Variants in MUSTN1 observed in about 807,000 individuals in gnomAD.
The protein encoded by MUSTN1 is musculoskeletal, embryonic nuclear protein 1.
Under a neutral mutation model 11.8 loss-of-function variants are expected in MUSTN1, and 14 were observed. That is an observed-to-expected ratio of 1.18 (90% CI 0.78 to 1.85). The LOEUF (loss-of-function observed/expected upper bound fraction) is 1.85, where lower values mean the gene tolerates loss of function less well. Among genes scored for constraint, MUSTN1 ranks in the 40% most tolerant of loss-of-function variants. The pLI, the probability that MUSTN1 is intolerant of heterozygous loss-of-function variation, is 0.00. For synonymous variants in MUSTN1, 42 were observed against 43.3 expected (o/e 0.97, Z 0.12); for missense variants, 111 against 108.8 (o/e 1.02, Z -0.09).
rs1269657364 is a variant in MUSTN1 at position 52,833,266 on chromosome 3, C to G, written c.*58G>C. On this transcript the variant is annotated 3_prime_UTR_variant, in exon 3 of 3. Transcript: ENST00000446157. ...AAGCGTTCTGGCATAAAAAAGAGTT[C>G]CTGGGAAAGGCTCCTGTTTCCGAGC... The G allele has an allele frequency of 1.9e-6, 3 of 1,607,178 alleles. No homozygotes were observed. The highest frequency in any genetic ancestry group is 2.5e-6 in the Non-Finnish European group (3 of 1,176,710).
chr3:52,833,909 C>T (rs567944063), intron 1 of MUSTN1, among the ~76,000 whole-genome samples, 160 bp from the exon 2 acceptor site: 6 of 152,200 alleles, frequency 3.9e-5, no homozygotes, highest in Non-Finnish European at 8.8e-5. Context: ...CTATACTCCA[C>T]CTGCTGCAGG....
chr3:52,833,899 C>G, intron 1 of MUSTN1, 150 bp from the exon 2 acceptor site: 1 of 1,340,934 alleles, frequency 7.5e-7, no homozygotes, highest in South Asian at 1.6e-5. Flanking sequence ...GCCTTCCCAA[C>G]TATACTCCAC....
At position 52,833,728 on chromosome 3, in the gene MUSTN1, T is replaced by C. The variant is rs147250569; in HGVS notation, c.31A>G (p.Ile11Val). 197 of 1,585,138 alleles carry C rather than the reference T, an allele frequency of 1.2e-4. No homozygotes were observed. The African/African-American group carries it at 1.7e-3, about 14-fold the overall frequency. Residue 11 changes from isoleucine to valine, a missense_variant, in exon 2 of 3, where the codon ATC becomes GTC. Ile to Val is a conservative substitution (Grantham distance 29, BLOSUM62 3). Coordinates refer to ENST00000446157, the MANE Select transcript of MUSTN1 (RefSeq NM_205853.4). Reference protein sequence around the residue: MSQAGAQEAPIKKKRPPVKDE... With the variant: MSQAGAQEAPVKKKRPPVKDE... ...TTCACAGGGGGGCGCTTCTTCTTGA[T>C]AGGGGCTTCCTGAGCACCAGCCTTG...
At chr3:52,833,928 C>T (rs1700645396) in intron 1 of MUSTN1, among the ~76,000 whole-genome samples, 179 bp from the exon 2 acceptor site, 1 of 152,218 alleles carries the variant, frequency 6.6e-6, no homozygotes, top group African/African-American at 2.4e-5. Flanking sequence ...GGTCTCCCAG[C>T]TGTCTTGGTC....
At chr3:52,833,552 TC>T in intron 2 of MUSTN1, 64 bp downstream of exon 2, 3 of 1,584,510 alleles carry the variant, frequency 1.9e-6, no homozygotes, top group African/African-American at 1.4e-5. Flanking sequence ...CTTGACCACC[TC>T]CCCCCACCAC....
At position 52,833,622 on chromosome 3, in the gene MUSTN1, T is replaced by A; in HGVS notation, c.137A>T (p.Glu46Val). 6.2e-7 allele frequency: 1 copy of A among 1,610,666 alleles called. No homozygotes were observed. The highest frequency in any genetic ancestry group is 1.3e-5 in the African/African-American group (1 of 74,844). ...IKSKTYQVMRECEQAGSAAPS... is the reference protein window; with the variant it reads ...IKSKTYQVMRVCEQAGSAAPS... ...GATGGCATGAGGACACTCACCACAC[T>A]CTCGCATGACCTGGTAGGTCTTGGA... Residue 46 changes from glutamate to valine, a missense_variant, in exon 2 of 3, where the codon GAG becomes GTG. Physicochemically the swap from Glu to Val is moderately radical, Grantham distance 121. Transcript: ENST00000446157.
chr3:52,833,571 C>A, intron 2 of MUSTN1, 46 bp downstream of exon 2: 1 of 1,602,132 alleles, frequency 6.2e-7, no homozygotes, highest in African/African-American at 1.3e-5. Context: ...CACTGACACA[C>A]ACCTGCACCC....
intron 1 of MUSTN1, among the ~76,000 whole-genome samples, chr3:52,834,336 G>A (rs567613652): frequency 3.8e-4 from 58 of 152,150 alleles, no homozygotes; most frequent in African/African-American, 1.3e-3. Flanking sequence ...ACCCAGGCTC[G>A]GTGTTTACCC....
Position 52,833,121 on chromosome 3 carries a change from T to C in MUSTN1, c.*203A>G, listed in dbSNP as rs754108362. On this transcript the variant is annotated 3_prime_UTR_variant, in exon 3 of 3. Transcript: ENST00000446157. Reference sequence around the variant, plus strand: ...CCAGGGACCAACCAACACCTTCTGATTGCTGGGGCCACGTGGGCATCCTCT... The same window carrying C: ...CCAGGGACCAACCAACACCTTCTGACTGCTGGGGCCACGTGGGCATCCTCT... The C allele has an allele frequency of 1.0e-5, 8 of 775,970 alleles. 1 individual carries two copies. Among genetic ancestry groups the C allele is most frequent in the South Asian group, 7.2e-5 (5 of 68,996 alleles). 48.1% of individuals were successfully genotyped at this position (775,970 alleles called of 1,614,324 possible).
rs752721276 is a variant in MUSTN1, at chr3:52,833,203, G to A, written c.*121C>T. 2.1e-6 allele frequency: 3 copies of A among 1,427,144 alleles called. No individual in the cohort carries two copies. Among genetic ancestry groups the A allele is most frequent in the East Asian group, 5.0e-5 (2 of 40,386 alleles). 88.4% of individuals were successfully genotyped at this position (1,427,144 alleles called of 1,614,324 possible). ...CCCTTGGCTGAAGGGCCTGGACTGT[G>A]GGGGAGGGTGGCAGCCCCAGAGACA... On this transcript the variant is annotated 3_prime_UTR_variant, in exon 3 of 3. Coordinates refer to ENST00000446157, the MANE Select transcript of MUSTN1 (RefSeq NM_205853.4).
rs1700673752 is a variant in MUSTN1 at position 52,834,970 on chromosome 3, G to C, written c.-22C>G. ...ACATGGTGGGTATTGTGTAAGCGCT[G>C]GGTCTCTGAAGGCGCCTCTCTGGCA... On this transcript the variant is annotated 5_prime_UTR_variant, in exon 1 of 3. Coordinates refer to ENST00000446157, the MANE Select transcript of MUSTN1 (RefSeq NM_205853.4). The C allele has an allele frequency of 6.2e-7, 1 of 1,613,256 alleles. No homozygotes were observed. The highest frequency in any genetic ancestry group is 1.1e-5 in the South Asian group (1 of 90,788).
rs370655420 is a variant in MUSTN1, at chr3:52,834,290, CTT to C, written c.10-543_10-542del. Among the ~76,000 whole-genome samples the C allele has an allele frequency of 4.2e-3, 636 of 152,302 alleles. 5 individuals are homozygous for C. Among genetic ancestry groups the C allele is most frequent in the African/African-American group, 0.015 (608 of 41,558 alleles). ...GCAGGCAGCAAGGACAGTCCTCTCT[CTT>C]GGCAGGCTGGTCTGTCCCTCCAGGG... On this transcript the variant is annotated intron_variant, in intron 1 of 2. Transcript: ENST00000446157.
chr3:52,833,715 C>G lies in MUSTN1; in HGVS notation c.44G>C (p.Arg15Pro), dbSNP rs143782627. The change falls in exon 2 of 3, where the codon CGC (arginine) becomes CCC (proline). Residue 15 changes from arginine to proline, a missense_variant. Physicochemically the swap from Arg to Pro is moderately radical, Grantham distance 103. Transcript: ENST00000446157. ...CAGGTCCTCGTCCTTCACAGGGGGG[C>G]GCTTCTTCTTGATAGGGGCTTCCTG... ...GAQEAPIKKK[R>P]PPVKDEDLKG... 1.3e-6 allele frequency: 2 copies of G among 1,588,542 alleles called. No homozygotes were observed. Among genetic ancestry groups the G allele is most frequent in the Non-Finnish European group, 1.7e-6 (2 of 1,167,420 alleles).
chr3:52,833,780 C>A, intron 1 of MUSTN1, 31 bp from the exon 2 acceptor site: 1 of 1,562,422 alleles, frequency 6.4e-7, no homozygotes, highest in Non-Finnish European at 8.7e-7. Flanking sequence ...ATCTTACTAC[C>A]TGAAGCCTCG....
chr3:52,834,777 G>A, intron 1 of MUSTN1, 163 bp downstream of exon 1: 1 of 825,390 alleles, frequency 1.2e-6, no homozygotes, highest in African/African-American at 1.7e-5. Context: ...TAGAAGAGGG[G>A]TTCTTCAGGG....
In MUSTN1 at chr3:52,834,952, G is replaced by A; in HGVS notation, c.-4C>T. On this transcript the variant is annotated 5_prime_UTR_variant, in exon 1 of 3. Transcript: ENST00000446157. ...TGGGTCCTCCTACCTGGGACATGGT[G>A]GGTATTGTGTAAGCGCTGGGTCTCT... is the stretch of plus-strand genomic sequence containing the variant. 6.2e-7 allele frequency: 1 copy of A among 1,613,622 alleles called. No individual in the cohort carries two copies. The highest frequency in any genetic ancestry group is 2.2e-5 in the East Asian group (1 of 44,878).
At chr3:52,834,747 G>A (rs746413967) in intron 1 of MUSTN1, 193 bp downstream of exon 1, 118 of 728,620 alleles carry the variant, frequency 1.6e-4, no homozygotes, top group Middle Eastern at 6.8e-4. Context: ...AACAAACCGT[G>A]GAATACCACC....
chr3:52,834,840 T>C (rs1025573046), intron 1 of MUSTN1, 100 bp downstream of exon 1: 38 of 1,436,796 alleles, frequency 2.6e-5, no homozygotes, highest in Admixed American at 6.0e-5. Flanking sequence ...CAGTTCATGC[T>C]TGGGGCTCAG....
chr3:52,833,295 C>A lies in MUSTN1; in HGVS notation c.*29G>T, dbSNP rs373673737. The A allele has an allele frequency of 6.2e-7, 1 of 1,613,218 alleles. No homozygotes were observed. Among genetic ancestry groups the A allele is most frequent in the Non-Finnish European group, 8.5e-7 (1 of 1,179,658 alleles). On this transcript the variant is annotated 3_prime_UTR_variant, in exon 3 of 3. Transcript: ENST00000446157. ...GGAAAGGCTCCTGTTTCCGAGCATT[C>A]GGGCAGCAAGGGGAGTGGCGCACAC...
Sources: gnomAD v4.1 joint callset for allele counts (sites outside exome capture counted in the v4.1 genomes callset) on GRCh38, gnomAD v4.1.1 for gene constraint, MANE v1.5 for transcripts, NCBI Gene and HGNC (gene_info 2026-07-23, HGNC 2026-07-21) for gene names.